CFAP54: variants seen among roughly 807,000 people sequenced by gnomAD.
The protein encoded by CFAP54 is cilia and flagella associated protein 54, also known as cilia- and flagella-associated protein 54.
In CFAP54, 290 loss-of-function variants were observed where a neutral mutation model predicts 370.4. The ratio of observed to expected loss-of-function variants is 0.78; its 90% confidence interval spans 0.71 to 0.86. The LOEUF is 0.86. Among genes scored for constraint, CFAP54 ranks in the 40% least tolerant of loss-of-function variants. The probability of loss-of-function intolerance (pLI) is 0.00; values close to 1 mark genes in which losing one functional copy is unlikely to be tolerated. For missense variants in CFAP54, 3,399 were observed against 3,528.7 expected (o/e 0.96, Z 0.93); for synonymous variants, 1,206 against 1,236.5 (o/e 0.98, Z 0.52).
intron 1 of CFAP54, among the ~76,000 whole-genome samples, chr12:96,500,488 G>T (rs991137276): frequency 2.6e-5 from 4 of 152,166 alleles, no homozygotes; most frequent in Admixed American, 2.0e-4. Context: ...CACAACAAAG[G>T]TACCATTCTA....
chr12:96,596,038 AGTTCAT>A (rs1178360535), intron 25 of CFAP54, among the ~76,000 whole-genome samples: 1 of 152,168 alleles, frequency 6.6e-6, no homozygotes, highest in Non-Finnish European at 1.5e-5. Flanking sequence ...ATGTCCAGAA[AGTTCAT>A]ATCCTTTCAC....
intron 17 of CFAP54, among the ~76,000 whole-genome samples, chr12:96,556,398 T>C (rs1272317255): frequency 6.6e-6 from 1 of 151,860 alleles, no homozygotes; most frequent in Non-Finnish European, 1.5e-5. Flanking sequence ...TTTCTTTTCT[T>C]TTTTTTTCAA....
At chr12:96,826,437 ATT>A (rs934488446) in intron 65 of CFAP54, among the ~76,000 whole-genome samples, 14 of 125,898 alleles carry the variant, frequency 1.1e-4, no homozygotes, top group African/African-American at 1.8e-4. Flanking sequence ...TATAATATAT[ATT>A]ATATACCATA....
intron 47 of CFAP54, among the ~76,000 whole-genome samples, chr12:96,706,553 A>G (rs1409313972): frequency 2.6e-5 from 4 of 152,158 alleles, no homozygotes; most frequent in Non-Finnish European, 5.9e-5. Flanking sequence ...AGAGAGGTCA[A>G]ATTGAGAAGG....
chr12:96,868,781 T>C (rs1358031428), intron 67 of CFAP54, among the ~76,000 whole-genome samples: 1 of 152,194 alleles, frequency 6.6e-6, no homozygotes, highest in Non-Finnish European at 1.5e-5. Flanking sequence ...GTGCCATTCA[T>C]CCTTTGCATT....
chr12:96,634,947 C>T (rs1234093100), intron 32 of CFAP54, among the ~76,000 whole-genome samples: 8 of 152,174 alleles, frequency 5.3e-5, no homozygotes, highest in Non-Finnish European at 1.5e-5. Context: ...CTATGTGCCT[C>T]CCTCTGCCAA....
intron 63 of CFAP54, among the ~76,000 whole-genome samples, chr12:96,800,243 T>G (rs1290982669): frequency 1.3e-5 from 2 of 152,216 alleles, no homozygotes; most frequent in Non-Finnish European, 2.9e-5. Context: ...AAGCAAATGC[T>G]AAGAATATCT....
At chr12:96,693,672 T>C (rs1712047117) in intron 44 of CFAP54, 50 bp from the exon 45 acceptor site, 3 of 1,188,048 alleles carry the variant, frequency 2.5e-6, no homozygotes, top group Non-Finnish European at 3.7e-6. Context: ...TATTAGGTTA[T>C]TAGTTTGATA....
At position 96,533,927 on chromosome 12, in the gene CFAP54, G is replaced by A. The variant is rs1955472219; in HGVS notation, c.1493G>A (p.Trp498Ter). The A allele has an allele frequency of 1.3e-6, 2 of 1,532,586 alleles. No homozygotes were observed. The highest frequency in any genetic ancestry group is 1.7e-6 in the Non-Finnish European group (2 of 1,145,720). 94.9% of individuals were successfully genotyped at this position (1,532,586 alleles called of 1,614,324 possible). ...AAATTAGCTTTTACCTATGAGGAGTGGAGTTTATTTGAATCTTCTGCTGTA... is the reference window on the plus strand; with the variant it reads ...AAATTAGCTTTTACCTATGAGGAGTAGAGTTTATTTGAATCTTCTGCTGTA... Reference protein sequence around the residue: ...FIKLAFTYEEWSLFESSAVHL... With the variant: ...FIKLAFTYEE Residue 498 changes from tryptophan (W) to a stop codon, truncating the protein, a stop_gained, in exon 10 of 68, where the codon TGG becomes TAG. Transcript: ENST00000524981. LOFTEE classifies it high-confidence loss of function.
rs116110058 is a variant in CFAP54 at position 96,720,557 on chromosome 12, G to A, written c.6957G>A (p.Ala2319=). 5.0e-4 allele frequency: 771 copies of A among 1,543,564 alleles called. 5 individuals carry two copies. The highest frequency in any genetic ancestry group is 1.1e-4 in the Non-Finnish European group (124 of 1,141,282). ...LAAVALQRHR[A]AYSAAIVFST... ...CAGTTGCTCTGCAGAGGCACCGGGC[G>A]GCATACAGGTGCGTCTCTCCATGCA... The change falls in exon 50 of 68, where the codon GCG becomes GCA. Residue 2319 remains alanine, a synonymous_variant. Coordinates refer to ENST00000524981, the MANE Select transcript of CFAP54 (RefSeq NM_001306084.2).
intron 12 of CFAP54, among the ~76,000 whole-genome samples, chr12:96,537,399 T>C (rs904158494): frequency 6.6e-6 from 1 of 152,140 alleles, no homozygotes; most frequent in Non-Finnish European, 1.5e-5. Context: ...TGGAGTACAG[T>C]GGTGCAATTT....
At chr12:96,558,324 G>A (rs1421248420) in intron 17 of CFAP54, among the ~76,000 whole-genome samples, 2 of 151,834 alleles carry the variant, frequency 1.3e-5, no homozygotes, top group African/African-American at 2.4e-5. Flanking sequence ...AGAAAGAAAG[G>A]GCATCCACAT....
chr12:96,693,891 A>G, intron 45 of CFAP54, 83 bp downstream of exon 45: 1 of 829,022 alleles, frequency 1.2e-6, no homozygotes, highest in Non-Finnish European at 1.9e-6. Context: ...TAGGACTTAT[A>G]ATAACAAGCT....
At chr12:96,490,659 T>C (rs1426792801) in intron 1 of CFAP54, among the ~76,000 whole-genome samples, 2 of 151,670 alleles carry the variant, frequency 1.3e-5, no homozygotes, top group African/African-American at 2.4e-5. Flanking sequence ...GCCACTACAC[T>C]CCAGCCTGGG....
At chr12:96,696,025 A>C (rs982901408) in intron 45 of CFAP54, among the ~76,000 whole-genome samples, 1 of 152,212 alleles carries the variant, frequency 6.6e-6, no homozygotes, top group South Asian at 2.1e-4. Flanking sequence ...AGAGGAAAAA[A>C]TGGCTTTGAA....
At chr12:96,771,505 A>T (rs1202363036) in intron 60 of CFAP54, among the ~76,000 whole-genome samples, 2 of 152,186 alleles carry the variant, frequency 1.3e-5, no homozygotes, top group Admixed American at 1.3e-4. Context: ...ACAAAAAATT[A>T]GCCAGGCGCG....
intron 50 of CFAP54, among the ~76,000 whole-genome samples, chr12:96,734,443 C>G (rs1221291813): frequency 2.0e-5 from 3 of 152,144 alleles, no homozygotes; most frequent in Non-Finnish European, 4.4e-5. Flanking sequence ...TGGCCCATAG[C>G]AGATGCTCCA....
At chr12:96,735,249 T>C (rs1210320831) in intron 50 of CFAP54, among the ~76,000 whole-genome samples, 1 of 152,174 alleles carries the variant, frequency 6.6e-6, no homozygotes. Flanking sequence ...ATGGGAAAAC[T>C]TTTTTTCAAA....
chr12:96,613,602 CAAAA>C (rs1379558136), intron 26 of CFAP54, among the ~76,000 whole-genome samples: 1 of 152,018 alleles, frequency 6.6e-6, no homozygotes, highest in Non-Finnish European at 1.5e-5. Flanking sequence ...AAAAGACCAA[CAAAA>C]TTGATAGACC....
Sources: allele counts gnomAD v4.1 joint callset (sites outside exome capture counted in the v4.1 genomes callset), GRCh38; gene constraint gnomAD v4.1.1; transcripts MANE v1.5; gene names NCBI Gene and HGNC (gene_info 2026-07-23, HGNC 2026-07-21).